The following CEP95 variants were observed in gnomAD, a reference collection of about 807,000 sequenced individuals.
CEP95 encodes centrosomal protein 95.
A neutral mutation model predicts 111.2 loss-of-function variants in CEP95; 98 were observed. The ratio of observed to expected loss-of-function variants is 0.88; its 90% confidence interval spans 0.75 to 1.04. The LOEUF (loss-of-function observed/expected upper bound fraction) is 1.04, where lower values mean the gene tolerates loss of function less well. Ranked by LOEUF, CEP95 falls within the 50% of genes least tolerant of loss-of-function variation. The pLI is 0.00. For synonymous variants in CEP95, 323 were observed against 327.1 expected (o/e 0.99, Z 0.14); for missense variants, 1,027 against 977.2 (o/e 1.05, Z -0.68).
At chr17:64,523,191 G>A (rs1377045188) in intron 8 of CEP95, among the ~76,000 whole-genome samples, 2 of 152,170 alleles carry the variant, frequency 1.3e-5, no homozygotes, top group Non-Finnish European at 2.9e-5. Context: ...CCAACACATA[G>A]TGAATGTTTA....
At chr17:64,525,473 T>G (rs1410089057) in intron 8 of CEP95, among the ~76,000 whole-genome samples, 1 of 152,238 alleles carries the variant, frequency 6.6e-6, no homozygotes, top group Non-Finnish European at 1.5e-5. Context: ...TGATAATTTT[T>G]TTGTTGCTCA....
chr17:64,507,460 T>C (rs2038617361), intron 1 of CEP95: 1 of 1,306,058 alleles, frequency 7.7e-7, no homozygotes, highest in Non-Finnish European at 9.8e-7. Context: ...CCTTGCACTA[T>C]GGGCCCTGAG....
chr17:64,509,705 A>G (rs2038784013), intron 2 of CEP95, among the ~76,000 whole-genome samples: 1 of 151,892 alleles, frequency 6.6e-6, no homozygotes, highest in South Asian at 2.1e-4. Context: ...AAATAAACAT[A>G]CATATGTGTA....
chr17:64,534,868 C>A, intron 17 of CEP95, 131 bp downstream of exon 17: 1 of 1,050,008 alleles, frequency 9.5e-7, no homozygotes, highest in Non-Finnish European at 1.4e-6. Context: ...TAGTGCTGGC[C>A]CTGAGTTCTG....
At position 64,536,494 on chromosome 17, in the gene CEP95, A is replaced by T. The variant is rs9904954; in HGVS notation, c.2071-108A>T. 1,679 of 720,394 alleles carry T rather than the reference A, an allele frequency of 2.3e-3. 24 individuals carry two copies. In the African/African-American group the frequency reaches 0.028, roughly 12 times the overall value. The allele number at this position is 720,394 out of a possible 1,614,324, so 44.6% of individuals were successfully genotyped here. ...ATGGTATGTCAAAACATCTGAATAA[A>T]ACTAGTATTTAAAAAAAAAAAACCT... is the stretch of plus-strand genomic sequence containing the variant. On this transcript the variant is annotated intron_variant, in intron 17 of 19. Coordinates refer to ENST00000556440, the MANE Select transcript of CEP95 (RefSeq NM_138363.3).
At position 64,529,296 on chromosome 17, in the gene CEP95, A is replaced by G. The variant is rs782543732; in HGVS notation, c.1315A>G (p.Met439Val). The stretch of plus-strand genomic sequence containing the variant: ...TCTTTTCTCTGTTGCAGGACTTTCC[A>G]TGCGTAGAAAGCCACCCTACAGATC... ...GPKKSRPGLSMRRKPPYRSHS... is the reference protein window; with the variant it reads ...GPKKSRPGLSVRRKPPYRSHS... Residue 439 changes from methionine (M) to valine (V), a missense_variant, in exon 12 of 20, where the codon ATG becomes GTG. Physicochemically the swap from Met to Val is conservative, Grantham distance 21 (BLOSUM62 1). Transcript: ENST00000556440. 19 of 1,612,328 alleles carry G rather than the reference A, an allele frequency of 1.2e-5. No homozygotes were observed. Among genetic ancestry groups the G allele is most frequent in the Non-Finnish European group, 1.6e-5 (19 of 1,179,326 alleles).
chr17:64,521,591 C>T, intron 7 of CEP95, 64 bp downstream of exon 7: 1 of 1,496,586 alleles, frequency 6.7e-7, no homozygotes, highest in Non-Finnish European at 9.0e-7. Context: ...TTGTTGTTGC[C>T]ATTAGCCTTT....
intron 1 of CEP95, chr17:64,508,091 C>T (rs1230376263): frequency 1.0e-6 from 1 of 985,400 alleles, no homozygotes; most frequent in Non-Finnish European, 1.2e-6. Flanking sequence ...TCTTAACAGC[C>T]TAAGTTTAAT....
chr17:64,529,353 CACAA>C lies in CEP95; in HGVS notation c.1376_1379del (p.Lys459SerfsTer33), dbSNP rs782689241. On this transcript the variant is annotated frameshift_variant, in exon 12 of 20. Coordinates refer to ENST00000556440, the MANE Select transcript of CEP95 (RefSeq NM_138363.3). LOFTEE classifies it high-confidence loss of function. ...GCTCTCTCCATCTCCAGTTAACAAA[CACAA>C]ACAGTTCCACTTGGAGAGAAAAAGG... 1.9e-6 allele frequency: 3 copies of C among 1,613,800 alleles called. No individual in the cohort carries two copies. In the South Asian group the frequency reaches 3.3e-5, roughly 18 times the overall value.
At chr17:64,517,849 T>A (rs908112849) in intron 5 of CEP95, among the ~76,000 whole-genome samples, 2 of 152,032 alleles carry the variant, frequency 1.3e-5, no homozygotes, top group Non-Finnish European at 2.9e-5. Flanking sequence ...CCTGCATTTT[T>A]AAACTTAACA....
intron 8 of CEP95, among the ~76,000 whole-genome samples, chr17:64,525,554 C>T (rs1442430787): frequency 1.3e-5 from 2 of 152,128 alleles, no homozygotes; most frequent in African/African-American, 4.8e-5. Flanking sequence ...GAATGGCATC[C>T]TGAGCCACAT....
intron 13 of CEP95, among the ~76,000 whole-genome samples, chr17:64,531,404 C>A (rs1342775289): frequency 3.3e-5 from 5 of 152,160 alleles, no homozygotes; most frequent in Non-Finnish European, 7.3e-5. Flanking sequence ...CAGAAGTTTT[C>A]ATTGCCTTTC....
rs143599415 is a variant in CEP95 at position 64,536,270 on chromosome 17, G to A, written c.2071-332G>A. 461 of 167,034 alleles carry A rather than the reference G, an allele frequency of 2.8e-3. 1 individual carries two copies. The highest frequency in any genetic ancestry group is 0.011 in the African/African-American group (440 of 41,736). The allele number at this position is 167,034 out of a possible 1,614,324, so 10.3% of individuals were successfully genotyped here. Reference sequence around the variant, plus strand: ...TTGGGACCAGCCTGGGCAACATAGTGAGACGTCATCTCTCCAAAAAATTAA... The same window carrying A: ...TTGGGACCAGCCTGGGCAACATAGTAAGACGTCATCTCTCCAAAAAATTAA... On this transcript the variant is annotated intron_variant, in intron 17 of 19. Transcript: ENST00000556440.
Position 64,534,681 on chromosome 17 carries a change from G to C in CEP95, c.2014G>C (p.Asp672His). ...CGTTCGTGCTCGAAAATATTATGAT[G>C]ATTATAGAGTTCAGTTGTGTGCAAA... ...QIVRARKYYD[D>H]YRVQLCAKMM... The change falls in exon 17 of 20, where the codon GAT (aspartate) becomes CAT (histidine). Residue 672 changes from aspartate to histidine, a missense_variant. Transcript: ENST00000556440. The C allele has an allele frequency of 1.2e-6, 2 of 1,613,390 alleles. No homozygotes were observed. Among genetic ancestry groups the C allele is most frequent in the Non-Finnish European group, 1.7e-6 (2 of 1,179,576 alleles).
At chr17:64,509,801 C>T (rs1398566086) in intron 2 of CEP95, among the ~76,000 whole-genome samples, 1 of 151,812 alleles carries the variant, frequency 6.6e-6, no homozygotes, top group African/African-American at 2.4e-5. Flanking sequence ...AGTATCATGT[C>T]TTGGCTCCCT....
At chr17:64,513,775 G>A (rs1017559105) in intron 3 of CEP95, among the ~76,000 whole-genome samples, 1 of 151,544 alleles carries the variant, frequency 6.6e-6, no homozygotes, top group Non-Finnish European at 1.5e-5. Flanking sequence ...GTTTTTTTTT[G>A]TTGTTTTGAT....
In CEP95 at chr17:64,533,125, A is replaced by C; in HGVS notation, c.1851A>C (p.Glu617Asp). The change falls in exon 16 of 20, where the codon GAA becomes GAC. Residue 617 changes from glutamate to aspartate, a missense_variant. Coordinates refer to ENST00000556440, the MANE Select transcript of CEP95 (RefSeq NM_138363.3). ...SKKKLQDEIE[E>D]ALRRHDLLTT... ...TCATGTCCCCCTTCAAGATAGAAGA[A>C]GCCCTAAGAAGGCATGACCTCCTTA... 1 of 1,604,364 alleles carries C rather than the reference A, an allele frequency of 6.2e-7. No homozygotes were observed.
chr17:64,524,931 A>G (rs1166913351), intron 8 of CEP95, among the ~76,000 whole-genome samples: 1 of 152,104 alleles, frequency 6.6e-6, no homozygotes, highest in Non-Finnish European at 1.5e-5. Flanking sequence ...AGACTGCACC[A>G]CTGCACTCCA....
At position 64,532,847 on chromosome 17, in the gene CEP95, A is replaced by G; in HGVS notation, c.1681A>G (p.Ser561Gly). 2 of 1,607,268 alleles carry G rather than the reference A, an allele frequency of 1.2e-6. No individual in the cohort carries two copies. Among genetic ancestry groups the G allele is most frequent in the Non-Finnish European group, 1.7e-6 (2 of 1,178,190 alleles). Residue 561 changes from serine to glycine, a missense_variant, in exon 15 of 20, where the codon AGT (serine) becomes GGT (glycine). By Grantham distance (56) the Ser-to-Gly change is moderately conservative (BLOSUM62 0). Coordinates refer to ENST00000556440, the MANE Select transcript of CEP95 (RefSeq NM_138363.3). ...CTTATTTTACCTTGCAGTGAAAGTAAGTGAACACAGTCTCCTGCCCCTTAT... is the reference window on the plus strand; with the variant it reads ...CTTATTTTACCTTGCAGTGAAAGTAGGTGAACACAGTCTCCTGCCCCTTAT... ...KPNKAVPMKV[S>G]EHSLLPLMLE...
Sources: gnomAD v4.1 joint callset for allele counts (sites outside exome capture counted in the v4.1 genomes callset) on GRCh38, gnomAD v4.1.1 for gene constraint, MANE v1.5 for transcripts, NCBI Gene and HGNC (gene_info 2026-07-23, HGNC 2026-07-21) for gene names.